The following METTL25B variants were observed in gnomAD, a reference collection of about 807,000 sequenced individuals.
METTL25B encodes the protein methyltransferase-like protein 25B.
METTL25B carries 38 observed loss-of-function variants against 48.4 expected under a neutral mutation model. That is an observed-to-expected ratio of 0.78 (90% confidence interval 0.61 to 1.03). METTL25B has a LOEUF of 1.03. Ranked by LOEUF, METTL25B falls within the 50% of genes least tolerant of loss-of-function variation. The pLI, the probability that METTL25B is intolerant of heterozygous loss-of-function variation, is 0.00. For missense variants in METTL25B, 537 were observed against 603.7 expected (o/e 0.89, Z 1.16); for synonymous variants, 230 against 254.5 (o/e 0.90, Z 0.92).
Position 156,729,403 on chromosome 1 carries a change from TTC to T in METTL25B, c.111+190_111+191del, listed in dbSNP as rs766101206. The T allele has an allele frequency of 1.8e-3, 851 of 481,466 alleles. 1 individual carries two copies. Among genetic ancestry groups the T allele is most frequent in the Non-Finnish European group, 2.3e-3 (634 of 277,306 alleles). The allele number at this position is 481,466 out of a possible 1,614,324, so 29.8% of individuals were successfully genotyped here. On this transcript the variant is annotated intron_variant, in intron 1 of 7. Coordinates refer to ENST00000368216, the MANE Select transcript of METTL25B (RefSeq NM_015997.4). ...TTTTTTCAGCTGACATAAATAATATTTCTTTTTTTTTCTTTTTCTTTTTTTTT... is the reference window on the plus strand; with the variant it reads ...TTTTTTCAGCTGACATAAATAATATTTTTTTTTTTCTTTTTCTTTTTTTTT...
rs1169746142 is a variant in METTL25B, at chr1:156,733,496, G to T, written c.612G>T (p.Glu204Asp). ...RLDQELLQAL[E>D]KEEKRNPQVV... ...ACCAGGAGCTTCTGCAGGCTCTGGA[G>T]AAAGAGGAGAAGAGGAACCCGCAGG... Residue 204 changes from glutamate (E) to aspartate (D), a missense_variant, in exon 5 of 8, where the codon GAG becomes GAT. Transcript: ENST00000368216. 29 of 1,613,978 alleles carry T rather than the reference G, an allele frequency of 1.8e-5. No homozygotes were observed. The highest frequency in any genetic ancestry group is 2.3e-5 in the Non-Finnish European group (27 of 1,180,028).
At position 156,728,880 on chromosome 1, in the gene METTL25B, C is replaced by G; in HGVS notation, c.-225C>G. 1 of 624,448 alleles carries G rather than the reference C, an allele frequency of 1.6e-6. No homozygotes were observed. The highest frequency in any genetic ancestry group is 2.7e-5 in the South Asian group (1 of 36,988). 38.7% of individuals were successfully genotyped at this position (624,448 alleles called of 1,614,324 possible). ...CCGCCCTACGTGTCTCTGACGCTGA[C>G]ACCTTCTCACTGTGAAACGTCGCGA... On this transcript the variant is annotated 5_prime_UTR_variant, in exon 1 of 8. Transcript: ENST00000368216.
intron 1 of METTL25B, 132 bp downstream of exon 1, chr1:156,729,347 GA>G (rs1274535847): frequency 9.8e-6 from 6 of 613,434 alleles, no homozygotes; most frequent in African/African-American, 7.8e-5. Context: ...TTCTGTACAA[GA>G]AGGGGTTAAA....
Position 156,734,445 on chromosome 1 carries a change from G to T in METTL25B, c.1073G>T (p.Arg358Leu). The T allele has an allele frequency of 1.2e-6, 2 of 1,603,534 alleles. No individual in the cohort carries two copies. The highest frequency in any genetic ancestry group is 1.7e-6 in the Non-Finnish European group (2 of 1,175,248). Reference protein sequence around the residue: ...VIRRARPELRRPGVQGIPRVH... With the variant: ...VIRRARPELRLPGVQGIPRVH... Reference sequence around the variant, plus strand: ...CGACGGGCCCGGCCCGAGCTCCGTCGGCCAGGCGTGCAGGGTATCCCCAGG... The same window carrying T: ...CGACGGGCCCGGCCCGAGCTCCGTCTGCCAGGCGTGCAGGGTATCCCCAGG... Residue 358 changes from arginine to leucine, a missense_variant, in exon 6 of 8, where the codon CGG (arginine) becomes CTG (leucine). Arg to Leu is a moderately radical substitution (Grantham distance 102, BLOSUM62 -2). Coordinates refer to ENST00000368216, the MANE Select transcript of METTL25B (RefSeq NM_015997.4).
intron 1 of METTL25B, 160 bp downstream of exon 1, chr1:156,729,375 C>T (rs1649035301): frequency 4.8e-5 from 23 of 477,850 alleles, no homozygotes; most frequent in South Asian, 3.0e-4. Flanking sequence ...GTGATCCCTC[C>T]TTTTTTTTCA....
chr1:156,731,909 A>G, intron 1 of METTL25B, 82 bp from the exon 2 acceptor site: 1 of 1,558,776 alleles, frequency 6.4e-7, no homozygotes, highest in East Asian at 2.3e-5. Flanking sequence ...AGAGGCAGGC[A>G]ATGAGGTGTG....
In METTL25B at chr1:156,736,833, G is replaced by C. The variant is rs928743623; in HGVS notation, c.*80G>C. 1 of 1,416,322 alleles carries C rather than the reference G, an allele frequency of 7.1e-7. No homozygotes were observed. The highest frequency in any genetic ancestry group is 9.6e-7 in the Non-Finnish European group (1 of 1,042,756). 87.7% of individuals were successfully genotyped at this position (1,416,322 alleles called of 1,614,324 possible). A position where few individuals can be genotyped will look rare whatever the true frequency, so the allele number is the denominator to read the frequency against. On this transcript the variant is annotated 3_prime_UTR_variant, in exon 8 of 8. Coordinates refer to ENST00000368216, the MANE Select transcript of METTL25B (RefSeq NM_015997.4). ...AGTGGCAGAGTACATCTCATCCAGA[G>C]AAACAGCATCCTGCATCCTCCAGAG...
intron 5 of METTL25B, 56 bp downstream of exon 5, chr1:156,733,576 A>G: frequency 1.9e-6 from 3 of 1,580,488 alleles, no homozygotes; most frequent in East Asian, 4.5e-5. Flanking sequence ...CTTGGCTGGA[A>G]TTGAGCACAG....
At chr1:156,729,432 T>C (rs79603069) in intron 1 of METTL25B, 30,003 of 394,084 alleles carry the variant, frequency 0.076, 1,284 homozygotes, top group Admixed American at 0.2. Flanking sequence ...TTTTTTTTTT[T>C]CTTTTTTTTT....
At chr1:156,733,644 A>G (rs1353194521) in intron 5 of METTL25B, 124 bp downstream of exon 5, 2 of 1,063,362 alleles carry the variant, frequency 1.9e-6, no homozygotes, top group African/African-American at 1.6e-5. Flanking sequence ...CCTAATTTCT[A>G]TTACCTCTTT....
At chr1:156,736,021 T>TTAG in intron 7 of METTL25B, 112 bp downstream of exon 7, 1 of 926,688 alleles carries the variant, frequency 1.1e-6, no homozygotes, top group Non-Finnish European at 1.6e-6. Context: ...ACTGTTGTGA[T>TTAG]CCTTGGACCC....
At chr1:156,733,349 G>C (rs1649451141) in intron 4 of METTL25B, 28 bp from the exon 5 acceptor site, 1 of 1,613,674 alleles carries the variant, frequency 6.2e-7, no homozygotes, top group Non-Finnish European at 8.5e-7. Flanking sequence ...ACTGAACAGG[G>C]CTGTTTCCAT....
chr1:156,732,935 C>T, intron 3 of METTL25B, 50 bp from the exon 4 acceptor site: 1 of 1,527,932 alleles, frequency 6.5e-7, no homozygotes, highest in South Asian at 1.1e-5. Flanking sequence ...GTGTTTGCCC[C>T]AGGAGTCAAT....
At chr1:156,731,073 T>A (rs1257686117) in intron 1 of METTL25B, among the ~76,000 whole-genome samples, 2 of 152,204 alleles carry the variant, frequency 1.3e-5, no homozygotes, top group Non-Finnish European at 2.9e-5. Flanking sequence ...ATTACATTAC[T>A]GTTTCATTAG....
At chr1:156,734,638 T>G (rs1236303780) in intron 6 of METTL25B, 145 bp downstream of exon 6, 1 of 941,642 alleles carries the variant, frequency 1.1e-6, no homozygotes, top group Non-Finnish European at 1.5e-6. Context: ...TTCATGCCAT[T>G]CTCATGCCTC....
chr1:156,728,938 C>T lies in METTL25B; in HGVS notation c.-167C>T, dbSNP rs1030349689. On this transcript the variant is annotated 5_prime_UTR_variant, in exon 1 of 8. Transcript: ENST00000368216. ...CGTCTGGGGGGCGCCTCAAATCTTCCACTCCAGCATCGGATCCCGGAAAGG... is the reference window on the plus strand; with the variant it reads ...CGTCTGGGGGGCGCCTCAAATCTTCTACTCCAGCATCGGATCCCGGAAAGG... 3.6e-6 allele frequency: 2 copies of T among 563,084 alleles called. No individual in the cohort carries two copies. The highest frequency in any genetic ancestry group is 5.9e-6 in the Non-Finnish European group (2 of 336,808). The allele number at this position is 563,084 out of a possible 1,614,324, so 34.9% of individuals were successfully genotyped here.
At chr1:156,732,605 A>AT in intron 3 of METTL25B, 132 bp downstream of exon 3, 1 of 802,548 alleles carries the variant, frequency 1.2e-6, no homozygotes, top group Non-Finnish European at 1.9e-6. Context: ...CTCAACAGAC[A>AT]TAACTAATCA....
At chr1:156,732,729 C>T (rs944919934) in intron 3 of METTL25B, among the ~76,000 whole-genome samples, 1 of 152,136 alleles carries the variant, frequency 6.6e-6, no homozygotes, top group Admixed American at 6.5e-5. Flanking sequence ...TGGCTTCACG[C>T]AGGGTTCTTG....
At chr1:156,734,627 G>C in intron 6 of METTL25B, 134 bp downstream of exon 6, 4 of 1,035,974 alleles carry the variant, frequency 3.9e-6, no homozygotes, top group Non-Finnish European at 5.5e-6. Context: ...TGTCTCCTGG[G>C]TTCATGCCAT....
Sources: gnomAD v4.1 joint callset for allele counts (sites outside exome capture counted in the v4.1 genomes callset) on GRCh38, gnomAD v4.1.1 for gene constraint, MANE v1.5 for transcripts, NCBI Gene and HGNC (gene_info 2026-07-23, HGNC 2026-07-21) for gene names.